Variants in ADGRL2 observed in about 807,000 individuals in gnomAD.
The protein encoded by ADGRL2 is calcium-independent alpha-latrotoxin receptor 2.
A neutral mutation model predicts 157.4 loss-of-function variants in ADGRL2; 44 were observed. The observed-to-expected ratio is 0.28, with a 90% CI of 0.22 to 0.36. The LOEUF (loss-of-function observed/expected upper bound fraction) is 0.36, where lower values mean the gene tolerates loss of function less well. ADGRL2 is among the 10% of genes least tolerant of loss of function. The pLI, the probability that ADGRL2 is intolerant of heterozygous loss-of-function variation, is 1.00. For synonymous variants in ADGRL2, 585 were observed against 624.7 expected, an observed-to-expected ratio of 0.94 and a Z score of 0.95; for missense variants, 1,510 against 1,768.9, an observed-to-expected ratio of 0.85 and a Z score of 2.63.
At chr1:81,661,648 T>G (rs1194928218) in intron 3 of ADGRL2, among the ~76,000 whole-genome samples, 2 of 152,200 alleles carry the variant, frequency 1.3e-5, no homozygotes, top group Non-Finnish European at 2.9e-5. Context: ...TAAAACTGTC[T>G]AGATATGGCT....
chr1:81,970,196 C>T (rs910498308), intron 15 of ADGRL2, 118 bp from the exon 16 acceptor site: 3 of 750,200 alleles, frequency 4.0e-6, no homozygotes, highest in Non-Finnish European at 6.9e-6. Context: ...TTAGTTTACT[C>T]TGAATAATGT....
chr1:81,871,545 C>A (rs2093694754), intron 2 of ADGRL2, among the ~76,000 whole-genome samples: 1 of 152,110 alleles, frequency 6.6e-6, no homozygotes, highest in African/African-American at 2.4e-5. Flanking sequence ...GTTTACAGTC[C>A]CACCAGCAGT....
chr1:81,658,021 C>T (rs1456031144), intron 3 of ADGRL2, among the ~76,000 whole-genome samples: 1 of 152,106 alleles, frequency 6.6e-6, no homozygotes, highest in African/African-American at 2.4e-5. Flanking sequence ...GGTTCACTGC[C>T]ATATAGTTTT....
At chr1:81,829,135 C>A (rs2091746648) in intron 1 of ADGRL2, among the ~76,000 whole-genome samples, 1 of 152,098 alleles carries the variant, frequency 6.6e-6, no homozygotes. Context: ...TGGTCTCGAA[C>A]TCCTGACCTC....
intron 2 of ADGRL2, among the ~76,000 whole-genome samples, chr1:81,774,318 T>A (rs2086491660): frequency 6.6e-6 from 1 of 152,222 alleles, no homozygotes; most frequent in Non-Finnish European, 1.5e-5. Flanking sequence ...CCAATAACCT[T>A]CAGTTTCTCT....
chr1:81,655,217 A>G (rs140528924), intron 3 of ADGRL2, among the ~76,000 whole-genome samples: 36 of 152,098 alleles, frequency 2.4e-4, no homozygotes, highest in Middle Eastern at 3.4e-3. Context: ...AGCCAGGATG[A>G]TCTCGATCTC....
intron 1 of ADGRL2, among the ~76,000 whole-genome samples, chr1:81,729,816 AT>A (rs1355871766): frequency 1.3e-5 from 2 of 152,240 alleles, no homozygotes; most frequent in Non-Finnish European, 2.9e-5. Flanking sequence ...CATTAATATC[AT>A]TCTGGCCATA....
At chr1:81,318,440 A>G (rs1245174633) in intron 1 of ADGRL2, among the ~76,000 whole-genome samples, 1 of 152,196 alleles carries the variant, frequency 6.6e-6, no homozygotes, top group Admixed American at 6.5e-5. Flanking sequence ...TAATTCCCTA[A>G]GCCTCATGTT....
intron 1 of ADGRL2, among the ~76,000 whole-genome samples, chr1:81,356,917 C>T (rs1448853557): frequency 8.0e-6 from 1 of 124,790 alleles, no homozygotes; most frequent in Admixed American, 9.6e-5. Flanking sequence ...CGCGCCACTG[C>T]ACTCCAGCCT....
At chr1:81,317,410 C>G (rs1660180410) in intron 1 of ADGRL2, among the ~76,000 whole-genome samples, 1 of 152,168 alleles carries the variant, frequency 6.6e-6, no homozygotes. Flanking sequence ...GTGCCACTGA[C>G]TGGTCTGATT....
At chr1:81,774,236 A>G (rs1407752887) in intron 2 of ADGRL2, among the ~76,000 whole-genome samples, 2 of 152,198 alleles carry the variant, frequency 1.3e-5, no homozygotes, top group African/African-American at 4.8e-5. Context: ...ATACATTTCA[A>G]ATGTCTGCTC....
chr1:81,579,692 C>T (rs2080867129), intron 2 of ADGRL2, among the ~76,000 whole-genome samples: 1 of 151,912 alleles, frequency 6.6e-6, no homozygotes, highest in South Asian at 2.1e-4. Flanking sequence ...GCATCATAAC[C>T]CATAAATAAA....
intron 1 of ADGRL2, among the ~76,000 whole-genome samples, chr1:81,805,518 C>T (rs2088979934): frequency 6.6e-6 from 1 of 151,586 alleles, no homozygotes; most frequent in South Asian, 2.1e-4. Context: ...AAATGAATTC[C>T]AATATAACAA....
chr1:81,320,974 C>CA (rs1660462346), intron 1 of ADGRL2, among the ~76,000 whole-genome samples: 1 of 152,156 alleles, frequency 6.6e-6, no homozygotes, highest in Non-Finnish European at 1.5e-5. Context: ...CATCTGTTTC[C>CA]AATATAAGGC....
At chr1:81,945,631 A>G (rs1649563801) in intron 6 of ADGRL2, among the ~76,000 whole-genome samples, 1 of 152,162 alleles carries the variant, frequency 6.6e-6, no homozygotes, top group Non-Finnish European at 1.5e-5. Flanking sequence ...ATTTCAGATG[A>G]AAAGTCTTTG....
chr1:81,771,000 T>G (rs917974647), intron 2 of ADGRL2, among the ~76,000 whole-genome samples: 1 of 152,162 alleles, frequency 6.6e-6, no homozygotes, highest in Non-Finnish European at 1.5e-5. Flanking sequence ...TCTCTTGGAT[T>G]TCCTGTATTA....
chr1:81,526,136 C>T (rs2079449737), intron 2 of ADGRL2, among the ~76,000 whole-genome samples: 1 of 152,116 alleles, frequency 6.6e-6, no homozygotes, highest in African/African-American at 2.4e-5. Context: ...TAAAATTAAG[C>T]AGATTTGCAA....
chr1:81,535,015 C>T (rs1279735431), intron 2 of ADGRL2, among the ~76,000 whole-genome samples: 1 of 152,206 alleles, frequency 6.6e-6, no homozygotes, highest in Non-Finnish European at 1.5e-5. Context: ...TTTTAACCCA[C>T]AATCAGGGCC....
intron 1 of ADGRL2, among the ~76,000 whole-genome samples, chr1:81,315,226 T>A (rs1176988722): frequency 6.6e-6 from 1 of 152,096 alleles, no homozygotes; most frequent in Non-Finnish European, 1.5e-5. Flanking sequence ...GATAAAAAAA[T>A]TGATTAGAGG....
Sources: gnomAD v4.1 joint callset for allele counts (sites outside exome capture counted in the v4.1 genomes callset) on GRCh38, gnomAD v4.1.1 for gene constraint, MANE v1.5 for transcripts, NCBI Gene and HGNC (gene_info 2026-07-23, HGNC 2026-07-21) for gene names.